LHFPL2: variants seen among roughly 807,000 people sequenced by gnomAD.
The protein encoded by LHFPL2 is LHFPL tetraspan subfamily member 2, also known as LHFPL tetraspan subfamily member 2 protein.
Under a neutral mutation model 17.5 loss-of-function variants are expected in LHFPL2, and 7 were observed. The ratio of observed to expected loss-of-function variants is 0.40; its 90% CI spans 0.23 to 0.75. LHFPL2 has a LOEUF of 0.75. LHFPL2 is among the 30% of genes least tolerant of loss of function. LHFPL2 has a pLI of 0.37. For synonymous variants in LHFPL2, 134 were observed against 116.2 expected, an observed-to-expected ratio of 1.15 and a Z score of -0.99; for missense variants, 241 against 294.8, an observed-to-expected ratio of 0.82 and a Z score of 1.34.
intron 2 of LHFPL2, among the ~76,000 whole-genome samples, chr5:78,598,556 T>A (rs1743901882): frequency 6.6e-6 from 1 of 152,264 alleles, no homozygotes. Flanking sequence ...GTGGTTTGTA[T>A]GTAACTCTTA....
chr5:78,616,759 A>G (rs995093927), intron 2 of LHFPL2, among the ~76,000 whole-genome samples: 1 of 152,180 alleles, frequency 6.6e-6, no homozygotes, highest in Non-Finnish European at 1.5e-5. Flanking sequence ...ACTCTTCTCA[A>G]TGACCCCAGC....
intron 3 of LHFPL2, among the ~76,000 whole-genome samples, chr5:78,530,638 T>A (rs1755753429): frequency 6.6e-6 from 1 of 152,214 alleles, no homozygotes; most frequent in Non-Finnish European, 1.5e-5. Flanking sequence ...CTGTACCTAT[T>A]GGGTCAGGCC....
At chr5:78,524,279 A>G (rs1561321078) in intron 3 of LHFPL2, among the ~76,000 whole-genome samples, 1 of 152,198 alleles carries the variant, frequency 6.6e-6, no homozygotes, top group Admixed American at 6.5e-5. Flanking sequence ...ATGGGACCCA[A>G]TAAGCCCAAG....
intron 2 of LHFPL2, among the ~76,000 whole-genome samples, chr5:78,566,816 C>T (rs1027302688): frequency 6.6e-6 from 1 of 152,218 alleles, no homozygotes; most frequent in Admixed American, 6.5e-5. Flanking sequence ...AAATTCTAAA[C>T]ATTTCCCACA....
chr5:78,576,301 A>G (rs2112434193), intron 2 of LHFPL2, among the ~76,000 whole-genome samples: 1 of 152,002 alleles, frequency 6.6e-6, no homozygotes, highest in Admixed American at 6.5e-5. Flanking sequence ...TCTCAAAAAA[A>G]AAAAAAAGAT....
At chr5:78,589,595 C>A (rs779092717) in intron 2 of LHFPL2, among the ~76,000 whole-genome samples, 1 of 152,112 alleles carries the variant, frequency 6.6e-6, no homozygotes, top group Admixed American at 6.5e-5. Context: ...TACTCTTGCC[C>A]GCCTTTCCCT....
chr5:78,634,874 T>C (rs901300018), intron 1 of LHFPL2, among the ~76,000 whole-genome samples: 10 of 152,226 alleles, frequency 6.6e-5, no homozygotes, highest in African/African-American at 2.4e-4. Context: ...AGACATTTTA[T>C]TTGTGATAAG....
chr5:78,593,781 T>C (rs1743728709), intron 2 of LHFPL2, among the ~76,000 whole-genome samples: 1 of 152,174 alleles, frequency 6.6e-6, no homozygotes, highest in Non-Finnish European at 1.5e-5. Flanking sequence ...GGAGCAAGGC[T>C]GGACCAATTG....
At chr5:78,579,306 G>A (rs73146033) in intron 2 of LHFPL2, among the ~76,000 whole-genome samples, 122 of 151,546 alleles carry the variant, frequency 8.1e-4, no homozygotes, top group African/African-American at 2.8e-3. Context: ...CTTAGTGCTC[G>A]CAAGGTTTTT....
intron 3 of LHFPL2, among the ~76,000 whole-genome samples, chr5:78,546,582 A>G (rs115543674): frequency 6.6e-6 from 1 of 152,252 alleles, no homozygotes; most frequent in African/African-American, 2.4e-5. Flanking sequence ...TTTTTATCAC[A>G]TGATTCTCAG....
At position 78,485,298 on chromosome 5, in the gene LHFPL2, G is replaced by A. The variant is rs1754200881; in HGVS notation, c.*3599C>T. The A allele has an allele frequency of 1.3e-5, 2 of 152,480 alleles. No individual in the cohort carries two copies. Among genetic ancestry groups the A allele is most frequent in the Non-Finnish European group, 2.9e-5 (2 of 68,018 alleles). 9.4% of individuals were successfully genotyped at this position (152,480 alleles called of 1,614,324 possible). A position where few individuals can be genotyped will look rare whatever the true frequency, so the allele number is the denominator to read the frequency against. ...ACATAGTGAAAATACATATGCACAG[G>A]AACCAAATCAATGCTAGACAATGTA... On this transcript the variant is annotated 3_prime_UTR_variant, in exon 5 of 5. Transcript: ENST00000380345.
intron 3 of LHFPL2, among the ~76,000 whole-genome samples, chr5:78,558,475 CT>C (rs1362740594): frequency 6.6e-6 from 1 of 152,144 alleles, no homozygotes; most frequent in Non-Finnish European, 1.5e-5. Context: ...TGCATATAGC[CT>C]TTTTCATGGA....
At chr5:78,561,882 G>A (rs10076988) in intron 3 of LHFPL2, among the ~76,000 whole-genome samples, 55,379 of 151,992 alleles carry the variant, frequency 0.36, 11,121 homozygotes, top group Middle Eastern at 0.47. Flanking sequence ...TTATTAAAAA[G>A]CATGCCTAGT....
At chr5:78,533,617 A>T (rs6453401) in intron 3 of LHFPL2, among the ~76,000 whole-genome samples, 1 of 151,880 alleles carries the variant, frequency 6.6e-6, no homozygotes, top group Non-Finnish European at 1.5e-5. Context: ...TGGTCAGAGC[A>T]CCCTTTTAAG....
At chr5:78,538,225 G>T (rs1053969641) in intron 3 of LHFPL2, among the ~76,000 whole-genome samples, 1 of 152,198 alleles carries the variant, frequency 6.6e-6, no homozygotes, top group African/African-American at 2.4e-5. Flanking sequence ...AGACACACTT[G>T]CTGCTCCTAG....
intron 3 of LHFPL2, among the ~76,000 whole-genome samples, chr5:78,534,794 A>G (rs1755896386): frequency 6.6e-6 from 1 of 152,058 alleles, no homozygotes. Context: ...AAGCTCCTCC[A>G]CTTCCAGCCA....
chr5:78,567,795 G>A (rs1476641234), intron 2 of LHFPL2, among the ~76,000 whole-genome samples: 1 of 152,056 alleles, frequency 6.6e-6, no homozygotes, highest in African/African-American at 2.4e-5. Context: ...AATGCAAGCA[G>A]GAGAGAAAAT....
intron 4 of LHFPL2, chr5:78,494,491 G>C: frequency 1.0e-6 from 1 of 985,406 alleles, no homozygotes; most frequent in Non-Finnish European, 1.2e-6. Flanking sequence ...GAAGACGTTA[G>C]CATCTGCTGG....
chr5:78,582,548 G>T lies in LHFPL2; in HGVS notation c.-244-17677C>A, dbSNP rs1358954393. ...GTGCCTTCATTTCGTTATGTACCCA[G>T]TAGTCATTCAGGAGCAGGTTGTTCA... On this transcript the variant is annotated intron_variant, in intron 2 of 4. Coordinates refer to ENST00000380345, the MANE Select transcript of LHFPL2 (RefSeq NM_005779.3). Among the ~76,000 whole-genome samples the T allele has an allele frequency of 4.0e-5, 6 of 151,704 alleles. No homozygotes were observed. In the South Asian group the frequency reaches 1.0e-3, roughly 26 times the overall value.
Sources: allele counts gnomAD v4.1 joint callset (sites outside exome capture counted in the v4.1 genomes callset), GRCh38; gene constraint gnomAD v4.1.1; transcripts MANE v1.5; gene names NCBI Gene and HGNC (gene_info 2026-07-23, HGNC 2026-07-21).